The following LINGO3 variants were observed in gnomAD, a reference collection of about 807,000 sequenced individuals.
LINGO3 encodes the protein leucine-rich repeat and immunoglobulin-like domain-containing nogo receptor-interacting protein 3.
For synonymous variants in LINGO3, 427 were observed against 444.2 expected, an observed-to-expected ratio of 0.96 and a Z score of 0.49; for missense variants, 750 against 867.7, an observed-to-expected ratio of 0.86 and a Z score of 1.70.
At chr19:2,293,992 G>A (rs1184593933), upstream of LINGO3, among the ~76,000 whole-genome samples, 4 of 152,074 alleles carry the variant, frequency 2.6e-5, no homozygotes, top group Non-Finnish European at 5.9e-5. Flanking sequence ...TGAGGCTTCA[G>A]TGAGCTGTGA....
At chr19:2,293,060 C>T (rs896352275), upstream of LINGO3, among the ~76,000 whole-genome samples, 4 of 112,512 alleles carry the variant, frequency 3.6e-5, no homozygotes, top group East Asian at 3.0e-4. Context: ...TGTATGACCC[C>T]GTTTCTTTCT....
At chr19:2,303,060 C>T in the LINGO3 span, among the ~76,000 whole-genome samples, 2 of 152,218 alleles carry the variant, frequency 1.3e-5, no homozygotes, top group African/African-American at 4.8e-5. Context: ...ACAGATCGTC[C>T]GCCCGCACCT....
the LINGO3 span, among the ~76,000 whole-genome samples, chr19:2,300,637 A>C: frequency 6.6e-6 from 1 of 151,836 alleles, no homozygotes; most frequent in Non-Finnish European, 1.5e-5. Context: ...GGCCACGCGG[A>C]GCCAACCCCA....
upstream of LINGO3, among the ~76,000 whole-genome samples, chr19:2,294,448 C>T (rs185727046): frequency 1.5e-4 from 23 of 152,276 alleles, no homozygotes; most frequent in African/African-American, 4.6e-4. This position sits in a 1 kb window ranked among gnomAD's most constrained non-coding sequence, Gnocchi z 4.3. Flanking sequence ...TTAAACCCCC[C>T]GGGGTTTGTG....
the LINGO3 span, among the ~76,000 whole-genome samples, chr19:2,299,983 A>G: frequency 6.7e-5 from 10 of 148,186 alleles, no homozygotes; most frequent in African/African-American, 1.0e-4. Flanking sequence ...TCGGCCTCCC[A>G]AAGTGCTGGG....
upstream of LINGO3, among the ~76,000 whole-genome samples, chr19:2,292,924 C>G (rs904135729): frequency 1.3e-5 from 2 of 152,168 alleles, no homozygotes; most frequent in African/African-American, 4.8e-5. Context: ...GGGTCAGCAC[C>G]GTGCAGCCAC....
At chr19:2,308,119 G>A in the LINGO3 span, among the ~76,000 whole-genome samples, 445 of 145,128 alleles carry the variant, frequency 3.1e-3, 2 homozygotes, top group African/African-American at 0.011. Flanking sequence ...GCGGCGCGGG[G>A]GCCGCCCGGA....
chr19:2,294,450 G>A (rs2025555761), upstream of LINGO3, among the ~76,000 whole-genome samples: 1 of 152,188 alleles, frequency 6.6e-6, no homozygotes, highest in Non-Finnish European at 1.5e-5. The surrounding 1 kb of genome is among the most constrained non-coding windows in gnomAD (Gnocchi z 4.3). Flanking sequence ...AAACCCCCCG[G>A]GGTTTGTGGC....
chr19:2,304,545 G>A, the LINGO3 span, among the ~76,000 whole-genome samples: 15 of 150,952 alleles, frequency 9.9e-5, no homozygotes, highest in African/African-American at 3.2e-4. Context: ...GAGAGGAGGC[G>A]GGAGGGTGAA....
In LINGO3 at chr19:2,290,233, A is replaced by G; in HGVS notation, c.1544T>C (p.Leu515Pro). The G allele has an allele frequency of 5.6e-6, 9 of 1,605,470 alleles. No individual in the cohort carries two copies. The highest frequency in any genetic ancestry group is 7.6e-6 in the Non-Finnish European group (9 of 1,177,744). Residue 515 changes from leucine to proline, a missense_variant, in exon 1 of 1, where the codon CTG (leucine) becomes CCG (proline). Coordinates refer to ENST00000585527, the Ensembl canonical transcript of LINGO3. The surrounding 1 kb of genome is among the most constrained non-coding windows in gnomAD (Gnocchi z 6.0). The stretch of plus-strand genomic sequence containing the variant: ...GTCGAGCGGCGCGCGCAGGGCCGCC[A>G]GCGTCTCGTTGTGGGCCTCGCCCGG...
chr19:2,298,741 A>T, the LINGO3 span, among the ~76,000 whole-genome samples: 1 of 150,920 alleles, frequency 6.6e-6, no homozygotes, highest in East Asian at 2.0e-4. Flanking sequence ...GGATTTCACC[A>T]TGTTGGTCAG....
chr19:2,289,112 C>A (rs1175286396), downstream of LINGO3, among the ~76,000 whole-genome samples: 2 of 146,810 alleles, frequency 1.4e-5, no homozygotes, highest in Admixed American at 1.4e-4. Context: ...GTGAGCTGTC[C>A]TTGTATCAGG....
chr19:2,295,079 A>G (rs1411082717), upstream of LINGO3, among the ~76,000 whole-genome samples: 9 of 152,130 alleles, frequency 5.9e-5, no homozygotes, highest in Non-Finnish European at 8.8e-5. Flanking sequence ...ATTTAATCCC[A>G]GAGCGAACAG....
At chr19:2,294,015 G>A (rs932002215), upstream of LINGO3, among the ~76,000 whole-genome samples, 1 of 151,932 alleles carries the variant, frequency 6.6e-6, no homozygotes, top group Non-Finnish European at 1.5e-5. The surrounding 1 kb of genome is among the most constrained non-coding windows in gnomAD (Gnocchi z 4.3). Flanking sequence ...GTGCCACTGC[G>A]CTCTAGCCAC....
downstream of LINGO3, chr19:2,289,754 C>G (rs2025499529): frequency 2.5e-6 from 1 of 393,942 alleles, no homozygotes; most frequent in Non-Finnish European, 4.6e-6. Flanking sequence ...CCCCACCCCC[C>G]AGCTCAGCCA....
chr19:2,291,855 A>C, exon 1 of LINGO3: 1 of 1,241,132 alleles, frequency 8.1e-7, no homozygotes, highest in Non-Finnish European at 1.1e-6. Flanking sequence ...CAGCGTTAGC[A>C]CCGTTAGCAC....
In LINGO3 at chr19:2,290,323, G is replaced by C. The variant is rs1049684524; in HGVS notation, c.1454C>G (p.Ala485Gly). The C allele has an allele frequency of 1.5e-5, 24 of 1,554,944 alleles. No homozygotes were observed. Among genetic ancestry groups the C allele is most frequent in the Non-Finnish European group, 2.1e-5 (24 of 1,157,298 alleles). The change falls in exon 1 of 1, where the codon GCG becomes GGG. Residue 485 changes from alanine to glycine, a missense_variant. Ala to Gly is a moderately conservative substitution (Grantham distance 60). Transcript: ENST00000585527. This position sits in a 1 kb window ranked among gnomAD's most constrained non-coding sequence, Gnocchi z 6.0. ...GGCGAAGTAGGTGTCGTTGCCGCCC[G>C]CGTTGCTGGCCACGCACGTGTAGGT...
chr19:2,291,340 A>C (rs2145086903), exon 1 of LINGO3: 1 of 1,613,218 alleles, frequency 6.2e-7, no homozygotes, highest in East Asian at 2.2e-5. Flanking sequence ...CAGGTCCTGG[A>C]AAGTGTAGTC....
chr19:2,290,337 G>C lies in LINGO3; in HGVS notation c.1440C>G (p.Cys480Trp). 1 of 1,541,514 alleles carries C rather than the reference G, an allele frequency of 6.5e-7. No individual in the cohort carries two copies. The highest frequency in any genetic ancestry group is 8.7e-7 in the Non-Finnish European group (1 of 1,151,246). Residue 480 changes from cysteine (C) to tryptophan (W), a missense_variant, in exon 1 of 1, where the codon TGC becomes TGG. Physicochemically the swap from Cys to Trp is radical, Grantham distance 215. Transcript: ENST00000585527. This position sits in a 1 kb window ranked among gnomAD's most constrained non-coding sequence, Gnocchi z 6.0. Reference sequence around the variant, plus strand: ...CGTTGCCGCCCGCGTTGCTGGCCACGCACGTGTAGGTGCCGCTGTCCTGCG... The same window carrying C: ...CGTTGCCGCCCGCGTTGCTGGCCACCCACGTGTAGGTGCCGCTGTCCTGCG...
Sources: gnomAD v4.1 joint callset for allele counts (sites outside exome capture counted in the v4.1 genomes callset) on GRCh38, gnomAD v4.1.1 for gene constraint, Gnocchi (gnomAD v3.1) non-coding constraint, MANE v1.5 for transcripts, NCBI Gene and HGNC (gene_info 2026-07-23, HGNC 2026-07-21) for gene names.